Variants in CLSTN1 observed in about 807,000 individuals in gnomAD.
The protein encoded by CLSTN1 is calsyntenin-1.
CLSTN1 carries 28 observed loss-of-function variants against 108.3 expected under a neutral mutation model. The ratio of observed to expected loss-of-function variants is 0.26; its 90% CI spans 0.19 to 0.35. The LOEUF (loss-of-function observed/expected upper bound fraction) is 0.35. CLSTN1 is among the 10% of genes least tolerant of loss of function. The pLI is 1.00. For synonymous variants in CLSTN1, 524 were observed against 534.9 expected, an observed-to-expected ratio of 0.98 and a Z score of 0.28; for missense variants, 1,157 against 1,302.6, an observed-to-expected ratio of 0.89 and a Z score of 1.72.
intron 1 of CLSTN1, among the ~76,000 whole-genome samples, chr1:9,777,768 C>G (rs1653027349): frequency 6.6e-6 from 1 of 152,130 alleles, no homozygotes; most frequent in South Asian, 2.1e-4. Context: ...CTGCCTTGCT[C>G]CCCTTAACAT....
chr1:9,760,858 G>A (rs1652038905), intron 2 of CLSTN1, among the ~76,000 whole-genome samples: 1 of 151,610 alleles, frequency 6.6e-6, no homozygotes, highest in African/African-American at 2.4e-5. Context: ...GCATGCTACG[G>A]CACCATCACA....
At chr1:9,814,129 G>A (rs1205135335) in intron 1 of CLSTN1, among the ~76,000 whole-genome samples, 2 of 151,636 alleles carry the variant, frequency 1.3e-5, no homozygotes, top group African/African-American at 4.8e-5. Flanking sequence ...AAAATGTTAG[G>A]CTGAGCATGG....
Position 9,735,880 on chromosome 1 carries a change from G to A in CLSTN1, c.1734+5C>T. 1 of 1,614,034 alleles carries A rather than the reference G, an allele frequency of 6.2e-7. No homozygotes were observed. The highest frequency in any genetic ancestry group is 8.5e-7 in the Non-Finnish European group (1 of 1,180,010). On this transcript the variant is annotated splice_donor_5th_base_variant and intron_variant, in intron 12 of 18. Transcript: ENST00000377298. ...AGTGGTGTGCAGTCGAGCGCTCGGT[G>A]TTACCTGCACGCCTCTGCCACTGTC...
chr1:9,755,347 A>T, intron 3 of CLSTN1, 38 bp from the exon 4 acceptor site: 1 of 1,538,176 alleles, frequency 6.5e-7, no homozygotes, highest in Non-Finnish European at 8.9e-7. Context: ...AATTCCTACC[A>T]CATAGATCTT....
intron 1 of CLSTN1, among the ~76,000 whole-genome samples, chr1:9,801,214 C>T (rs1367008901): frequency 5.3e-5 from 8 of 152,238 alleles, no homozygotes; most frequent in Admixed American, 5.2e-4. Context: ...CATTGCACTC[C>T]AGCCTGGGAA....
chr1:9,797,292 A>G (rs1654053244), intron 1 of CLSTN1, among the ~76,000 whole-genome samples: 1 of 151,998 alleles, frequency 6.6e-6, no homozygotes, highest in African/African-American at 2.4e-5. Flanking sequence ...TCCAAAAGAA[A>G]GAAAAGGTGG....
Position 9,748,524 on chromosome 1 carries a change from G to C in CLSTN1, c.985+937C>G, listed in dbSNP as rs574803349. ...TCTTTTTGAGACAGGTTCTCACTCT[G>C]TCATCCAGGCTGGAATGCAGCGGCG... is the stretch of plus-strand genomic sequence containing the variant. On this transcript the variant is annotated intron_variant, in intron 7 of 18. Coordinates refer to ENST00000377298, the MANE Select transcript of CLSTN1 (RefSeq NM_001009566.3). Among the ~76,000 whole-genome samples the C allele has an allele frequency of 4.6e-5, 7 of 152,292 alleles. No homozygotes were observed. The East Asian group carries it at 1.3e-3, about 29-fold the overall frequency.
chr1:9,759,376 C>G (rs190569637), intron 2 of CLSTN1, among the ~76,000 whole-genome samples: 2 of 152,106 alleles, frequency 1.3e-5, no homozygotes, highest in African/African-American at 4.8e-5. Flanking sequence ...CCCGGGTTCA[C>G]GCCATTCTCC....
intron 2 of CLSTN1, among the ~76,000 whole-genome samples, chr1:9,758,603 C>G (rs1278847274): frequency 2.0e-5 from 3 of 152,172 alleles, no homozygotes; most frequent in Non-Finnish European, 4.4e-5. Context: ...CGTGAGTCAC[C>G]GCACCTGGCC....
chr1:9,814,717 C>G (rs1303202261), intron 1 of CLSTN1, among the ~76,000 whole-genome samples: 1 of 152,110 alleles, frequency 6.6e-6, no homozygotes, highest in Middle Eastern at 3.2e-3. Context: ...CGAGACCAGC[C>G]TGGGCAACAT....
chr1:9,785,490 C>T (rs1009158378), intron 1 of CLSTN1, among the ~76,000 whole-genome samples: 4 of 152,192 alleles, frequency 2.6e-5, no homozygotes, highest in Non-Finnish European at 5.9e-5. Flanking sequence ...GGTTTCTCAA[C>T]AGCTGGACAC....
chr1:9,734,026 G>A lies in CLSTN1; in HGVS notation c.2227C>T (p.Leu743=). The A allele has an allele frequency of 6.2e-7, 1 of 1,614,196 alleles. No individual in the cohort carries two copies. Residue 743 remains leucine (L), a synonymous_variant, in exon 15 of 19, where the codon CTG becomes TTG. Transcript: ENST00000377298. This position sits in a 1 kb window ranked among gnomAD's most constrained non-coding sequence, Gnocchi z 4.8. ...CTCACTTCAATGCCCTTCTGCTGCA[G>A]GCGGGCCATGTCCACCTCCAGGCTC... ...QESLEVDMAR[L]QQKGIEVSSS... is the part of the protein sequence containing the mutation.
chr1:9,795,032 A>AG (rs1169041663), intron 1 of CLSTN1, among the ~76,000 whole-genome samples: 2 of 151,338 alleles, frequency 1.3e-5, no homozygotes, highest in East Asian at 2.0e-4. Context: ...AAAAAAAAAA[A>AG]AGAAAAAAAA....
At chr1:9,747,250 CTT>C (rs1030981882) in intron 7 of CLSTN1, among the ~76,000 whole-genome samples, 1 of 140,754 alleles carries the variant, frequency 7.1e-6, no homozygotes, top group African/African-American at 2.6e-5. Flanking sequence ...TTCTTCCTAA[CTT>C]TATTCTGCTG....
chr1:9,812,162 A>C (rs1253314152), intron 1 of CLSTN1, among the ~76,000 whole-genome samples: 1 of 152,020 alleles, frequency 6.6e-6, no homozygotes, highest in Non-Finnish European at 1.5e-5. Flanking sequence ...AGTAAACATA[A>C]TCTGCTTAAC....
Position 9,785,940 on chromosome 1 carries a change from T to C in CLSTN1, c.92-12546A>G, listed in dbSNP as rs546751251. Among the ~76,000 whole-genome samples, 24 of 149,748 alleles carry C rather than the reference T, an allele frequency of 1.6e-4. 1 individual carries two copies. In the East Asian group the frequency reaches 4.4e-3, roughly 27 times the overall value. On this transcript the variant is annotated intron_variant, in intron 1 of 18. Transcript: ENST00000377298. The stretch of plus-strand genomic sequence containing the variant: ...CCTGTAATCCCAGCAATTTGGGAGG[T>C]TGAGGTGGGTGGATCGCTTGAGTTC...
intron 1 of CLSTN1, among the ~76,000 whole-genome samples, chr1:9,800,265 T>C (rs1000448533): frequency 4.7e-5 from 7 of 150,400 alleles, no homozygotes; most frequent in Admixed American, 6.6e-5. Flanking sequence ...AGGAACTCAA[T>C]AGAGAAAACC....
At chr1:9,797,748 A>C (rs1654074395) in intron 1 of CLSTN1, among the ~76,000 whole-genome samples, 2 of 152,180 alleles carry the variant, frequency 1.3e-5, no homozygotes, top group Non-Finnish European at 2.9e-5. Context: ...AGAAGCTGAT[A>C]CGGAGAGAGA....
At chr1:9,766,141 T>A (rs1652318139) in intron 2 of CLSTN1, among the ~76,000 whole-genome samples, 1 of 152,152 alleles carries the variant, frequency 6.6e-6, no homozygotes, top group Non-Finnish European at 1.5e-5. Context: ...TCTATTTGTA[T>A]CATTATGGTT....
Sources: allele counts gnomAD v4.1 joint callset (sites outside exome capture counted in the v4.1 genomes callset), GRCh38; gene constraint gnomAD v4.1.1; non-coding constraint Gnocchi (gnomAD v3.1); transcripts MANE v1.5; gene names NCBI Gene and HGNC (gene_info 2026-07-23, HGNC 2026-07-21).